MYOM1: variants seen among roughly 807,000 people sequenced by gnomAD.
The protein encoded by MYOM1 is myomesin 1, also known as myomesin-1.
Under a neutral mutation model 205.3 loss-of-function variants are expected in MYOM1, and 164 were observed. That is an observed-to-expected ratio of 0.80 (90% CI 0.70 to 0.91). The LOEUF (loss-of-function observed/expected upper bound fraction) is 0.91, where lower values mean the gene tolerates loss of function less well. Ranked by LOEUF, MYOM1 falls within the 40% of genes least tolerant of loss-of-function variation. The pLI is 0.00. For synonymous variants in MYOM1, 772 were observed against 789.4 expected (o/e 0.98, Z 0.37); for missense variants, 2,011 against 2,127.3 (o/e 0.95, Z 1.08).
intron 22 of MYOM1, among the ~76,000 whole-genome samples, chr18:3,103,377 A>C (rs1298768631): frequency 6.6e-6 from 1 of 152,226 alleles, no homozygotes; most frequent in Admixed American, 6.5e-5. Flanking sequence ...TGGATTAAAA[A>C]AAATTCAGTT....
At chr18:3,157,466 C>T (rs1398266969) in intron 10 of MYOM1, among the ~76,000 whole-genome samples, 1 of 151,802 alleles carries the variant, frequency 6.6e-6, no homozygotes, top group Non-Finnish European at 1.5e-5. Flanking sequence ...TCACTTGAGC[C>T]TAGGAATTCA....
rs1285006403 is a variant in MYOM1 at position 3,075,359 on chromosome 18, A to G, written c.4708+95T>C. On this transcript the variant is annotated intron_variant, in intron 36 of 37. Transcript: ENST00000356443. ...TTTAAAAAAGAAAAAAACCACTTCC[A>G]TTCTCCTCCATCTGTAGTTATAATA... 4.1e-6 allele frequency: 5 copies of G among 1,212,230 alleles called. No homozygotes were observed. The East Asian group carries it at 1.2e-4, about 29-fold the overall frequency. The allele number at this position is 1,212,230 out of a possible 1,614,324, so 75.1% of individuals were successfully genotyped here.
At chr18:3,224,825 G>C (rs928714249), upstream of MYOM1, among the ~76,000 whole-genome samples, 1 of 151,654 alleles carries the variant, frequency 6.6e-6, no homozygotes, top group East Asian at 1.9e-4. Flanking sequence ...CACCATGCCC[G>C]GCTAATTTTT....
chr18:3,224,750 C>T (rs531398799), upstream of MYOM1, among the ~76,000 whole-genome samples: 8 of 152,102 alleles, frequency 5.3e-5, no homozygotes, highest in Non-Finnish European at 1.0e-4. Context: ...CTGCAACCTC[C>T]GCCTCTTGGG....
In MYOM1 at chr18:3,193,824, G is replaced by C. The variant is rs200041669; in HGVS notation, c.425C>G (p.Ser142Ter). The stretch of plus-strand genomic sequence containing the variant: ...GAAGAAAAAGCACACTCACCGTCCT[G>C]AGAAAATGGGTACCATGTAGTCACT... ...LPSDYMVPIF[S>*]GRQKHVSGIT... The change falls in exon 3 of 38, where the codon TCA (serine) becomes TGA (stop). Residue 142 changes from serine to a stop codon, truncating the protein, a stop_gained. Transcript: ENST00000356443. LOFTEE classifies it high-confidence loss of function. 1.2e-6 allele frequency: 2 copies of C among 1,612,348 alleles called. No individual in the cohort carries two copies. Among genetic ancestry groups the C allele is most frequent in the East Asian group, 2.2e-5 (1 of 44,838 alleles).
At chr18:3,148,844 CAAAAAAAAAA>C (rs71159049) in intron 13 of MYOM1, among the ~76,000 whole-genome samples, 139 of 47,940 alleles carry the variant, frequency 2.9e-3, no homozygotes, top group South Asian at 0.027. Context: ...AGACTCCATC[CAAAAAAAAAA>C]AAAAAAAAAA....
At position 3,151,855 on chromosome 18, in the gene MYOM1, T is replaced by C; in HGVS notation, c.1682A>G (p.Asp561Gly). The C allele has an allele frequency of 6.2e-7, 1 of 1,613,368 alleles. No homozygotes were observed. Among genetic ancestry groups the C allele is most frequent in the Non-Finnish European group, 8.5e-7 (1 of 1,179,466 alleles). ...AAAACGAGCAAACTTCACAGGTGTG[T>C]CATTGCACTGCGACCAGCTATCTGT... Reference protein sequence around the residue: ...VGTDSWSQCNDTPVKFARFPV... With the variant: ...VGTDSWSQCNGTPVKFARFPV... Residue 561 changes from aspartate (D) to glycine (G), a missense_variant, in exon 12 of 38, where the codon GAC becomes GGC. Transcript: ENST00000356443.
the MYOM1 span, among the ~76,000 whole-genome samples, chr18:3,231,274 C>A: frequency 6.6e-6 from 1 of 152,308 alleles, no homozygotes; most frequent in South Asian, 2.1e-4. Flanking sequence ...GTCAAAGAGG[C>A]TGAATCAAGG....
chr18:3,240,844 TG>T, the MYOM1 span, among the ~76,000 whole-genome samples: 5 of 152,224 alleles, frequency 3.3e-5, no homozygotes, highest in Admixed American at 2.0e-4. Context: ...AAATCCAGGT[TG>T]AGGTGGTCTC....
intron 10 of MYOM1, among the ~76,000 whole-genome samples, chr18:3,157,452 T>C (rs192644322): frequency 1.4e-4 from 21 of 151,876 alleles, no homozygotes; most frequent in African/African-American, 5.1e-4. Flanking sequence ...GCACTTTGGG[T>C]AGATCACTTG....
At chr18:3,233,666 A>G in the MYOM1 span, among the ~76,000 whole-genome samples, 1 of 152,214 alleles carries the variant, frequency 6.6e-6, no homozygotes, top group Non-Finnish European at 1.5e-5. Context: ...TATGTGTTCA[A>G]TGCTGACAAG....
In MYOM1 at chr18:3,129,402, A is replaced by G. The variant is rs539864190; in HGVS notation, c.2624T>C (p.Leu875Pro). 6.2e-7 allele frequency: 1 copy of G among 1,613,986 alleles called. No homozygotes were observed. The highest frequency in any genetic ancestry group is 1.3e-5 in the African/African-American group (1 of 75,046). ...TGAAGGTTTGTTAGGTTTGCTGCCA[A>G]GCAAAGCATCTTTCTGGAAGGTTGG... is the stretch of plus-strand genomic sequence containing the variant. ...SPPTFQKDAL[L>P]GSKPNKPSLP... Residue 875 changes from leucine to proline, a missense_variant, in exon 18 of 38, where the codon CTT becomes CCT. Transcript: ENST00000356443.
the MYOM1 span, among the ~76,000 whole-genome samples, chr18:3,245,096 A>G: frequency 0.049 from 7,427 of 152,300 alleles, 581 homozygotes; most frequent in African/African-American, 0.16. Flanking sequence ...CCCGGCCTCC[A>G]GAAGTATAAG....
rs769741742 is a variant in MYOM1 at position 3,067,559 on chromosome 18, C to A, written c.4765-4G>T. On this transcript the variant is annotated splice_polypyrimidine_tract_variant and splice_region_variant and intron_variant, in intron 37 of 37. Coordinates refer to ENST00000356443, the MANE Select transcript of MYOM1 (RefSeq NM_003803.4). ...CGTTGCAAGTGAGATTAAGGGCCTGCAAGACAGGTTTTATGGGAGAGAAGA... is the reference window on the plus strand; with the variant it reads ...CGTTGCAAGTGAGATTAAGGGCCTGAAAGACAGGTTTTATGGGAGAGAAGA... 6.2e-7 allele frequency: 1 copy of A among 1,609,088 alleles called. No individual in the cohort carries two copies. Among genetic ancestry groups the A allele is most frequent in the Non-Finnish European group, 8.5e-7 (1 of 1,176,286 alleles).
Position 3,189,076 on chromosome 18 carries a change from A to T in MYOM1, c.443T>A (p.Val148Asp). The T allele has an allele frequency of 6.2e-7, 1 of 1,611,428 alleles. No homozygotes were observed. Among genetic ancestry groups the T allele is most frequent in the East Asian group, 2.2e-5 (1 of 44,816 alleles). ...VPIFSGRQKH[V>D]SGITDTEEER... Reference sequence around the variant, plus strand: ...TTCTTCCGTATCAGTAATTCCACTGACATGCTTTTGACTAAAACACAACAA... The same window carrying T: ...TTCTTCCGTATCAGTAATTCCACTGTCATGCTTTTGACTAAAACACAACAA... Residue 148 changes from valine (V) to aspartate (D), a missense_variant, in exon 4 of 38, where the codon GTC becomes GAC. Physicochemically the swap from Val to Asp is radical, Grantham distance 152. Transcript: ENST00000356443. The surrounding 1 kb of genome is among the most constrained non-coding windows in gnomAD (Gnocchi z 4.8).
At chr18:3,130,884 A>C (rs945655050) in intron 17 of MYOM1, among the ~76,000 whole-genome samples, 1 of 152,238 alleles carries the variant, frequency 6.6e-6, no homozygotes, top group Admixed American at 6.5e-5. Context: ...TTACTTTGCA[A>C]GCAAAGATGA....
intron 5 of MYOM1, among the ~76,000 whole-genome samples, chr18:3,186,990 A>G (rs2080826552): frequency 7.0e-6 from 1 of 143,736 alleles, no homozygotes; most frequent in South Asian, 2.1e-4. Flanking sequence ...AAAGAAAAAA[A>G]GAAAGAAAGA....
chr18:3,199,920 A>C (rs907148408), intron 2 of MYOM1, among the ~76,000 whole-genome samples: 1 of 151,868 alleles, frequency 6.6e-6, no homozygotes, highest in Non-Finnish European at 1.5e-5. Context: ...TGGAAGATTT[A>C]CTGTCTTGAG....
At chr18:3,180,558 C>G (rs1361743581) in intron 5 of MYOM1, among the ~76,000 whole-genome samples, 1 of 152,160 alleles carries the variant, frequency 6.6e-6, no homozygotes, top group Non-Finnish European at 1.5e-5. Flanking sequence ...CTTGTTATTT[C>G]TAGAACATGA....
Sources: gnomAD v4.1 joint callset for allele counts (sites outside exome capture counted in the v4.1 genomes callset) on GRCh38, gnomAD v4.1.1 for gene constraint, Gnocchi (gnomAD v3.1) non-coding constraint, MANE v1.5 for transcripts, NCBI Gene and HGNC (gene_info 2026-07-23, HGNC 2026-07-21) for gene names.